The following CYTH4 variants were observed in gnomAD, a reference collection of about 807,000 sequenced individuals.
The protein encoded by CYTH4 is cytohesin-4.
A neutral mutation model predicts 57.5 loss-of-function variants in CYTH4; 22 were observed. That is an observed-to-expected ratio of 0.38 (90% confidence interval 0.27 to 0.55). The LOEUF (loss-of-function observed/expected upper bound fraction) is 0.55. Ranked by LOEUF, CYTH4 falls within the 20% of genes least tolerant of loss-of-function variation. The pLI is 0.74. For missense variants in CYTH4, 420 were observed against 535.6 expected (o/e 0.78, Z 2.13); for synonymous variants, 186 against 206.5 (o/e 0.90, Z 0.85).
At position 37,311,055 on chromosome 22, in the gene CYTH4, G is replaced by A; in HGVS notation, c.876G>A (p.Glu292=). The A allele has an allele frequency of 1.9e-6, 3 of 1,614,156 alleles. No individual in the cohort carries two copies. The highest frequency in any genetic ancestry group is 3.3e-4 in the Middle Eastern group (2 of 6,062). The change falls in exon 10 of 13, where the codon GAG becomes GAA. Residue 292 remains glutamate, a synonymous_variant. Transcript: ENST00000248901. The surrounding 1 kb of genome is among the most constrained non-coding windows in gnomAD (Gnocchi z 4.4). ...ILTDNCLYYF[E]FTTDKEPRGI... The stretch of plus-strand genomic sequence containing the variant: ...CCGACAACTGCCTCTACTACTTCGA[G>A]TTCACCACTGTGAGCAGGGTTCTCC...
At chr22:37,299,927 G>A (rs1601704456) in intron 6 of CYTH4, 3 of 633,272 alleles carry the variant, frequency 4.7e-6, no homozygotes, top group Non-Finnish European at 8.8e-6. Context: ...GGAGGTGGAG[G>A]TTGTAGTGAG....
chr22:37,306,490 T>A (rs904919922), intron 8 of CYTH4, among the ~76,000 whole-genome samples: 2 of 152,030 alleles, frequency 1.3e-5, no homozygotes, highest in Non-Finnish European at 1.5e-5. Flanking sequence ...TTATGAGGAG[T>A]CCTGATTCAA....
chr22:37,310,140 C>A, intron 9 of CYTH4: 1 of 384,334 alleles, frequency 2.6e-6, no homozygotes, highest in Non-Finnish European at 5.5e-6. Flanking sequence ...CAGTCCTGCC[C>A]AGAACCCCCA....
intron 1 of CYTH4, among the ~76,000 whole-genome samples, chr22:37,288,113 C>T (rs1023438369): frequency 3.3e-5 from 5 of 152,140 alleles, no homozygotes; most frequent in Admixed American, 1.3e-4. Flanking sequence ...ACCCCCGTCT[C>T]TATTAAAAAT....
Position 37,299,209 on chromosome 22 carries a change from T to TACC in CYTH4, c.354-17_354-16insACC. 6.3e-7 allele frequency: 1 copy of TACC among 1,574,806 alleles called. No homozygotes were observed. The highest frequency in any genetic ancestry group is 2.2e-5 in the East Asian group (1 of 44,508). ...TATCCAAGTGTGTCCCACCCTCCCT[T>TACC]CCGCCTCCTCCCCCAGGGATCCCAT... On this transcript the variant is annotated splice_polypyrimidine_tract_variant and intron_variant, in intron 5 of 12. Coordinates refer to ENST00000248901, the MANE Select transcript of CYTH4 (RefSeq NM_013385.5).
Position 37,295,088 on chromosome 22 carries a change from G to A in CYTH4, c.167+364G>A, listed in dbSNP as rs1928904408. Among the ~76,000 whole-genome samples the A allele has an allele frequency of 6.6e-6, 1 of 152,170 alleles. No homozygotes were observed. Among genetic ancestry groups the A allele is most frequent in the Non-Finnish European group, 1.5e-5 (1 of 68,018 alleles). On this transcript the variant is annotated intron_variant, in intron 3 of 12. Coordinates refer to ENST00000248901, the MANE Select transcript of CYTH4 (RefSeq NM_013385.5). This position sits in a 1 kb window ranked among gnomAD's most constrained non-coding sequence, Gnocchi z 4.1. ...AAGGACAAGGAAGCCCAGGGCCCCA[G>A]GAGGACAGGAGCCTGGCCCTACCCC... is the stretch of plus-strand genomic sequence containing the variant.
At chr22:37,302,994 G>T (rs975243444) in intron 7 of CYTH4, among the ~76,000 whole-genome samples, 2 of 152,170 alleles carry the variant, frequency 1.3e-5, no homozygotes, top group African/African-American at 4.8e-5. Context: ...GGAAGGAAGG[G>T]CAGGCCTGGC....
chr22:37,296,218 G>A (rs1363475422), intron 4 of CYTH4, 153 bp downstream of exon 4: 4 of 796,244 alleles, frequency 5.0e-6, no homozygotes, highest in African/African-American at 1.8e-5. Context: ...GTGCCCCATG[G>A]CCAGCTGTGG....
chr22:37,313,690 C>A lies in CYTH4; in HGVS notation c.*179C>A. 2 of 634,448 alleles carry A rather than the reference C, an allele frequency of 3.2e-6. No individual in the cohort carries two copies. The highest frequency in any genetic ancestry group is 3.8e-5 in the South Asian group (2 of 52,958). 39.3% of individuals were successfully genotyped at this position (634,448 alleles called of 1,614,324 possible). A position where few individuals can be genotyped will look rare whatever the true frequency, so the allele number is the denominator to read the frequency against. ...AGCTCAGGAGGGTGGGTGGGAGCTG[C>A]AGTGGGCTCAGAGTCCAGCAATGAG... is the stretch of plus-strand genomic sequence containing the variant. On this transcript the variant is annotated 3_prime_UTR_variant, in exon 13 of 13. Coordinates refer to ENST00000248901, the MANE Select transcript of CYTH4 (RefSeq NM_013385.5).
At chr22:37,290,844 CAG>C (rs1459035408) in intron 1 of CYTH4, among the ~76,000 whole-genome samples, 1 of 152,158 alleles carries the variant, frequency 6.6e-6, no homozygotes, top group Non-Finnish European at 1.5e-5. Flanking sequence ...TGCCCTTGGT[CAG>C]GGGAACTCCT....
chr22:37,291,993 G>A (rs1042544084), intron 1 of CYTH4, among the ~76,000 whole-genome samples: 2 of 152,224 alleles, frequency 1.3e-5, no homozygotes, highest in African/African-American at 4.8e-5. Context: ...CCAGGGGCAG[G>A]GACTATAAAA....
chr22:37,308,852 G>A (rs1402486462), intron 8 of CYTH4, among the ~76,000 whole-genome samples: 5 of 147,132 alleles, frequency 3.4e-5, no homozygotes, highest in Non-Finnish European at 7.5e-5. Flanking sequence ...GCCTGCATGT[G>A]TGTGAACGTG....
At chr22:37,309,895 T>G (rs1569112426) in intron 9 of CYTH4, 1 of 389,092 alleles carries the variant, frequency 2.6e-6, no homozygotes, top group South Asian at 1.9e-5. Context: ...GCAGCTGGGG[T>G]GGGAGCTGCA....
intron 2 of CYTH4, among the ~76,000 whole-genome samples, chr22:37,292,907 G>A (rs1051891816): frequency 1.3e-5 from 2 of 152,128 alleles, no homozygotes; most frequent in Non-Finnish European, 2.9e-5. Context: ...GAGAGCCGGG[G>A]AGGGAGGCAG....
At chr22:37,310,862 T>G in intron 9 of CYTH4, 126 bp from the exon 10 acceptor site, 1 of 890,054 alleles carries the variant, frequency 1.1e-6, no homozygotes, top group Non-Finnish European at 1.8e-6. Context: ...GGAGGTGTGG[T>G]GGACGAAGTT....
chr22:37,312,866 C>G (rs1462622001), intron 12 of CYTH4, among the ~76,000 whole-genome samples: 1 of 152,240 alleles, frequency 6.6e-6, no homozygotes, highest in Admixed American at 6.5e-5. Flanking sequence ...TGAGCCAGCC[C>G]AAGATATTGG....
chr22:37,288,424 C>T (rs1928629652), intron 1 of CYTH4, among the ~76,000 whole-genome samples: 1 of 151,650 alleles, frequency 6.6e-6, no homozygotes, highest in Non-Finnish European at 1.5e-5. Flanking sequence ...AAAATAAATA[C>T]ATAAATAAAA....
intron 6 of CYTH4, chr22:37,300,069 G>A (rs1254763592): frequency 2.8e-6 from 2 of 717,506 alleles, no homozygotes; most frequent in Admixed American, 2.0e-5. Flanking sequence ...CAACTTCACA[G>A]GGTTGTGAAG....
intron 7 of CYTH4, 130 bp downstream of exon 7, chr22:37,301,149 C>T (rs1929163635): frequency 4.4e-6 from 3 of 684,438 alleles, no homozygotes; most frequent in East Asian, 2.7e-5. Context: ...CATGAGCCCT[C>T]ACTGAGCACT....
Sources: allele counts gnomAD v4.1 joint callset (sites outside exome capture counted in the v4.1 genomes callset), GRCh38; gene constraint gnomAD v4.1.1; non-coding constraint Gnocchi (gnomAD v3.1); transcripts MANE v1.5; gene names NCBI Gene and HGNC (gene_info 2026-07-23, HGNC 2026-07-21).